The following RBM4B variants were observed in gnomAD, a reference collection of about 807,000 sequenced individuals.
RBM4B encodes RNA-binding protein 4B.
RBM4B carries 13 observed loss-of-function variants against 28.5 expected under a neutral mutation model. That is an observed-to-expected ratio of 0.46 (90% CI 0.30 to 0.72). The LOEUF (loss-of-function observed/expected upper bound fraction) is 0.72. RBM4B is among the 30% of genes least tolerant of loss of function. The probability of loss-of-function intolerance (pLI) is 0.09; values close to 1 mark genes in which losing one functional copy is unlikely to be tolerated. For synonymous variants in RBM4B, 167 were observed against 179.1 expected (o/e 0.93, Z 0.54); for missense variants, 387 against 477.6 (o/e 0.81, Z 1.77).
Position 66,669,078 on chromosome 11 carries a change from A to G in RBM4B, c.626T>C (p.Met209Thr), listed in dbSNP as rs375176983. The change falls in exon 3 of 4, where the codon ATG becomes ACG. Residue 209 changes from methionine (M) to threonine (T), a missense_variant. Physicochemically the swap from Met to Thr is moderately conservative, Grantham distance 81. This residue lies in a region of RBM4B where 226 missense variants were observed against 220.6 expected (regional missense o/e 1.02). Transcript: ENST00000310046. Reference sequence around the variant, plus strand: ...TGCTCCATATGCATCGTTGTAATACATGGATTCCCCGTAGCCCATGGTGTA... The same window carrying G: ...TGCTCCATATGCATCGTTGTAATACGTGGATTCCCCGTAGCCCATGGTGTA... ...TPYTMGYGES[M>T]YYNDAYGALD... The G allele has an allele frequency of 5.0e-6, 8 of 1,614,158 alleles. No individual in the cohort carries two copies. The highest frequency in any genetic ancestry group is 2.2e-5 in the South Asian group (2 of 91,090).
At chr11:66,672,456 C>T (rs1428886421) in intron 2 of RBM4B, among the ~76,000 whole-genome samples, 1 of 148,762 alleles carries the variant, frequency 6.7e-6, no homozygotes, top group Non-Finnish European at 1.5e-5. Context: ...AACAACCAGT[C>T]CTTCCAACGG....
intron 3 of RBM4B, chr11:66,666,798 CAA>C (rs1364021462): frequency 5.3e-5 from 8 of 152,274 alleles, no homozygotes; most frequent in African/African-American, 1.4e-4. Context: ...ATGGTGGTCT[CAA>C]GAGATCTCAA....
rs752176976 is a variant in RBM4B, at chr11:66,668,674, G to C, written c.1030C>G (p.Arg344Gly). 3.3e-5 allele frequency: 53 copies of C among 1,613,860 alleles called. No homozygotes were observed. The highest frequency in any genetic ancestry group is 4.1e-5 in the Non-Finnish European group (48 of 1,179,916). Residue 344 changes from arginine to glycine, a missense_variant, in exon 3 of 4, where the codon CGG (arginine) becomes GGG (glycine). Coordinates refer to ENST00000310046, the MANE Select transcript of RBM4B (RefSeq NM_031492.4). Reference protein sequence around the residue: ...ATRNSLYDMARYEREQYVDRA... With the variant: ...ATRNSLYDMAGYEREQYVDRA... ...TCCACATACTGCTCCCGTTCATACC[G>C]GGCCATGTCATACAGAGAATTCCGT...
At chr11:66,675,099 A>G (rs1939597959) in intron 2 of RBM4B, among the ~76,000 whole-genome samples, 2 of 152,400 alleles carry the variant, frequency 1.3e-5, no homozygotes, top group East Asian at 1.9e-4. Context: ...TAAGAAAAAG[A>G]AAAACAAATG....
At chr11:66,672,091 G>A (rs1443989935) in intron 2 of RBM4B, among the ~76,000 whole-genome samples, 4 of 151,914 alleles carry the variant, frequency 2.6e-5, no homozygotes, top group Non-Finnish European at 4.4e-5. Context: ...TAGGGGTGAC[G>A]AGTTTAAAAA....
At chr11:66,670,131 A>C (rs1434668803) in intron 2 of RBM4B, among the ~76,000 whole-genome samples, 1 of 152,080 alleles carries the variant, frequency 6.6e-6, no homozygotes, top group East Asian at 1.9e-4. Flanking sequence ...AGAAGGCTCC[A>C]ATGATGGGTA....
At position 66,669,302 on chromosome 11, in the gene RBM4B, C is replaced by G; in HGVS notation, c.413-11G>C. 1 of 1,609,522 alleles carries G rather than the reference C, an allele frequency of 6.2e-7. No individual in the cohort carries two copies. The highest frequency in any genetic ancestry group is 8.5e-7 in the Non-Finnish European group (1 of 1,176,398). On this transcript the variant is annotated splice_polypyrimidine_tract_variant and intron_variant, in intron 2 of 3. Transcript: ENST00000310046. The stretch of plus-strand genomic sequence containing the variant: ...CATGCATTCTTTTGCCTTGAGGGAA[C>G]AGATGTAAGAAGATTTATTTTAACT...
chr11:66,665,571 T>G lies in RBM4B; in HGVS notation c.*17A>C, dbSNP rs1417188258. On this transcript the variant is annotated 3_prime_UTR_variant, in exon 4 of 4. Coordinates refer to ENST00000310046, the MANE Select transcript of RBM4B (RefSeq NM_031492.4). ...GCAGCCCGAGGGTTCAGTCCGCAAT[T>G]ATCCTACCTGAAAGAGAGCACAACA... 6.5e-7 allele frequency: 1 copy of G among 1,535,612 alleles called. No homozygotes were observed.
At chr11:66,666,046 G>C in intron 3 of RBM4B, 1 of 1,209,604 alleles carries the variant, frequency 8.3e-7, no homozygotes, top group Non-Finnish European at 1.1e-6. Context: ...CAGAAATGAT[G>C]GTCACAAGGG....
intron 2 of RBM4B, 35 bp downstream of exon 2, chr11:66,676,633 A>T: frequency 6.2e-7 from 1 of 1,606,914 alleles, no homozygotes; most frequent in Non-Finnish European, 8.5e-7. Flanking sequence ...GCTAGACCCC[A>T]CTCGGCGCTA....
At chr11:66,674,343 C>G (rs1441719168) in intron 2 of RBM4B, among the ~76,000 whole-genome samples, 1 of 151,610 alleles carries the variant, frequency 6.6e-6, no homozygotes, top group Non-Finnish European at 1.5e-5. Context: ...CCTGCCTCAG[C>G]TTCCCGAGTA....
chr11:66,666,380 C>T, intron 3 of RBM4B: 1 of 994,504 alleles, frequency 1.0e-6, no homozygotes, highest in Non-Finnish European at 1.2e-6. Flanking sequence ...TAGGGTGAGA[C>T]CCGAATTTGG....
chr11:66,671,831 C>T (rs984864765), intron 2 of RBM4B, among the ~76,000 whole-genome samples: 3 of 152,130 alleles, frequency 2.0e-5, no homozygotes, highest in Non-Finnish European at 4.4e-5. Context: ...ACCTCCACCT[C>T]GCGGGTTCAA....
chr11:66,677,006 T>C lies in RBM4B; in HGVS notation c.74A>G (p.Tyr25Cys). 2 of 1,614,168 alleles carry C rather than the reference T, an allele frequency of 1.2e-6. No individual in the cohort carries two copies. The highest frequency in any genetic ancestry group is 1.1e-5 in the South Asian group (1 of 91,080). Residue 25 changes from tyrosine to cysteine, a missense_variant, in exon 2 of 4, where the codon TAT becomes TGT. Tyr to Cys is a radical substitution (Grantham distance 194). Coordinates refer to ENST00000310046, the MANE Select transcript of RBM4B (RefSeq NM_031492.4). ...GATGTCACATTCCAGCACCTTCCCA[T>C]ACTGCTCGAAGAGTGAGCGAATCTC... is the stretch of plus-strand genomic sequence containing the variant. ...EQEIRSLFEQYGKVLECDIIK... is the reference protein window; with the variant it reads ...EQEIRSLFEQCGKVLECDIIK...
At position 66,674,978 on chromosome 11, in the gene RBM4B, A is replaced by G. The variant is rs1240542123; in HGVS notation, c.412+1690T>C. Among the ~76,000 whole-genome samples, 3 of 152,356 alleles carry G rather than the reference A, an allele frequency of 2.0e-5. No homozygotes were observed. The East Asian group carries it at 5.8e-4, about 29-fold the overall frequency. On this transcript the variant is annotated intron_variant, in intron 2 of 3. Transcript: ENST00000310046. ...TTTTACATTTTGCTCATTACCTGTCAGGAGAAAACCCTCCTTCCCCAGTCT... is the reference window on the plus strand; with the variant it reads ...TTTTACATTTTGCTCATTACCTGTCGGGAGAAAACCCTCCTTCCCCAGTCT...
intron 2 of RBM4B, among the ~76,000 whole-genome samples, chr11:66,674,647 A>C (rs1266913273): frequency 4.0e-5 from 6 of 151,572 alleles, no homozygotes; most frequent in Admixed American, 6.6e-5. Context: ...GGTTTACTGC[A>C]ACCTCTACCT....
intron 3 of RBM4B, chr11:66,668,310 T>TTTTCTGTAACCC (rs1939321886): frequency 1.7e-5 from 5 of 291,436 alleles, no homozygotes; most frequent in Non-Finnish European, 3.2e-5. Flanking sequence ...TAACAAATGT[T>TTTTCTGTAACCC]AGATCTCTCA....
chr11:66,668,633 T>C lies in RBM4B; in HGVS notation c.1071A>G (p.Ser357=), dbSNP rs1939338246. The change falls in exon 3 of 4, where the codon TCA becomes TCG. Residue 357 remains serine (S), a synonymous_variant. Transcript: ENST00000310046. ...REQYVDRARY[S]AF The stretch of plus-strand genomic sequence containing the variant: ...CTCTCACCTCCAGTTTTTAAAAGGC[T>C]GAGTACCGGGCTCGGTCCACATACT... 1.9e-6 allele frequency: 3 copies of C among 1,599,426 alleles called. No homozygotes were observed. The highest frequency in any genetic ancestry group is 2.2e-5 in the East Asian group (1 of 44,468).
At chr11:66,669,319 A>G (rs1234149141) in intron 2 of RBM4B, 28 bp from the exon 3 acceptor site, 6 of 1,592,394 alleles carry the variant, frequency 3.8e-6, no homozygotes, top group Non-Finnish European at 5.2e-6. Context: ...AAGAAGATTT[A>G]TTTTAACTCA....
Sources: gnomAD v4.1 joint callset for allele counts (sites outside exome capture counted in the v4.1 genomes callset) on GRCh38, gnomAD v4.1.1 for gene constraint, gnomAD v4.1.1 regional missense constraint, MANE v1.5 for transcripts, NCBI Gene and HGNC (gene_info 2026-07-23, HGNC 2026-07-21) for gene names.